Variants in LRRFIP2 observed in about 807,000 individuals in gnomAD.
LRRFIP2 encodes LRR binding FLII interacting protein 2.
A neutral mutation model predicts 125.9 loss-of-function variants in LRRFIP2; 109 were observed. The observed-to-expected ratio is 0.87, with a 90% CI of 0.74 to 1.01. The LOEUF (loss-of-function observed/expected upper bound fraction) is 1.01, where lower values mean the gene tolerates loss of function less well. Ranked by LOEUF, LRRFIP2 falls within the 50% of genes least tolerant of loss-of-function variation. The probability of loss-of-function intolerance (pLI) is 0.00; values close to 1 mark genes in which losing one functional copy is unlikely to be tolerated. For synonymous variants in LRRFIP2, 291 were observed against 293.1 expected (o/e 0.99, Z 0.07); for missense variants, 850 against 862.3 (o/e 0.99, Z 0.18).
intron 21 of LRRFIP2, among the ~76,000 whole-genome samples, chr3:37,071,976 G>A (rs774878412): frequency 3.3e-5 from 5 of 152,132 alleles, no homozygotes; most frequent in Non-Finnish European, 7.4e-5. Flanking sequence ...CTTACTTGGG[G>A]GAGTTCTGTG....
At chr3:37,085,372 T>G (rs569840359) in intron 18 of LRRFIP2, among the ~76,000 whole-genome samples, 1 of 151,650 alleles carries the variant, frequency 6.6e-6, no homozygotes, top group East Asian at 2.0e-4. Context: ...AATACAAAAA[T>G]TAGCCGGGCA....
Position 37,053,697 on chromosome 3 carries a change from T to G in LRRFIP2, c.*154A>C, listed in dbSNP as rs931623615. The G allele has an allele frequency of 8.3e-6, 5 of 604,418 alleles. No homozygotes were observed. Among genetic ancestry groups the G allele is most frequent in the Non-Finnish European group, 1.5e-5 (5 of 333,290 alleles). 37.4% of individuals were successfully genotyped at this position (604,418 alleles called of 1,614,324 possible). On this transcript the variant is annotated 3_prime_UTR_variant, in exon 28 of 28. Transcript: ENST00000336686. ...AGTGTTCATTCATGTAGATTCAAAA[T>G]GACTTCATTCTGTCATAAATTATAA...
At chr3:37,055,227 G>A in intron 25 of LRRFIP2, 62 bp from the exon 26 acceptor site, 2 of 980,988 alleles carry the variant, frequency 2.0e-6, no homozygotes, top group Non-Finnish European at 3.1e-6. Flanking sequence ...TGAGCCATCA[G>A]GCAGTACCTC....
At position 37,121,673 on chromosome 3, in the gene LRRFIP2, T is replaced by C. The variant is rs2095047845; in HGVS notation, c.247A>G (p.Arg83Gly). Residue 83 changes from arginine (R) to glycine (G), a missense_variant, in exon 5 of 28, where the codon AGG becomes GGG. Arg to Gly is a moderately radical substitution (Grantham distance 125). Transcript: ENST00000336686. ...QKWLEDSERA[R>G]YSHRSSHHRP... ...TGGTGACTGGACCGGTGGGAATACC[T>C]GGCCCTTTCCGAATCTTCCTGGGAA... 6.2e-7 allele frequency: 1 copy of C among 1,614,150 alleles called. No individual in the cohort carries two copies. Among genetic ancestry groups the C allele is most frequent in the Non-Finnish European group, 8.5e-7 (1 of 1,180,022 alleles).
chr3:37,053,572 G>T lies in LRRFIP2; in HGVS notation c.*279C>A. ...AGTGCCCAGTTACTGAGGCAGCTGG[G>T]GAAAAACGTTGAGTAAACATGATTC... On this transcript the variant is annotated 3_prime_UTR_variant, in exon 28 of 28. Coordinates refer to ENST00000336686, the MANE Select transcript of LRRFIP2 (RefSeq NM_006309.4). 1 of 348,568 alleles carries T rather than the reference G, an allele frequency of 2.9e-6. No homozygotes were observed. The highest frequency in any genetic ancestry group is 3.2e-5 in the South Asian group (1 of 30,978). The allele number at this position is 348,568 out of a possible 1,614,324, so 21.6% of individuals were successfully genotyped here.
chr3:37,169,824 GATA>G (rs1024735789), intron 1 of LRRFIP2, among the ~76,000 whole-genome samples: 1 of 152,178 alleles, frequency 6.6e-6, no homozygotes, highest in Non-Finnish European at 1.5e-5. Flanking sequence ...AATGGAAAAA[GATA>G]ATCCATGATT....
chr3:37,112,350 A>G (rs1047619389), intron 8 of LRRFIP2, among the ~76,000 whole-genome samples: 38 of 151,860 alleles, frequency 2.5e-4, no homozygotes, highest in Non-Finnish European at 5.0e-4. Flanking sequence ...AAGAAAAAAA[A>G]AAAGAAAAGA....
At chr3:37,100,172 T>C (rs1481043225) in intron 15 of LRRFIP2, among the ~76,000 whole-genome samples, 1 of 152,044 alleles carries the variant, frequency 6.6e-6, no homozygotes, top group Admixed American at 6.6e-5. Context: ...GGTACTGATA[T>C]GTAACCATTT....
At chr3:37,106,522 T>C (rs556174861) in intron 13 of LRRFIP2, among the ~76,000 whole-genome samples, 98 of 152,098 alleles carry the variant, frequency 6.4e-4, no homozygotes, top group Admixed American at 3.1e-3. Flanking sequence ...TGACTGAAAA[T>C]ATAAGCTGGG....
chr3:37,164,843 C>T (rs964305436), intron 1 of LRRFIP2, among the ~76,000 whole-genome samples: 3 of 152,150 alleles, frequency 2.0e-5, no homozygotes, highest in African/African-American at 7.2e-5. Context: ...TAATTACTTC[C>T]CCCATGAATG....
intron 7 of LRRFIP2, 125 bp downstream of exon 7, chr3:37,114,929 T>C: frequency 1.4e-6 from 1 of 700,536 alleles, no homozygotes; most frequent in East Asian, 2.6e-5. Context: ...TTTGCTTTGT[T>C]AGTCACACAT....
At chr3:37,122,715 T>C (rs1425735454) in intron 4 of LRRFIP2, among the ~76,000 whole-genome samples, 2 of 152,144 alleles carry the variant, frequency 1.3e-5, no homozygotes, top group Non-Finnish European at 2.9e-5. Flanking sequence ...TATTTTAGAG[T>C]TGGTCAAGTT....
At chr3:37,126,762 G>T (rs1196909276) in intron 4 of LRRFIP2, among the ~76,000 whole-genome samples, 1 of 151,832 alleles carries the variant, frequency 6.6e-6, no homozygotes, top group Admixed American at 6.6e-5. Context: ...GAGATGCTGA[G>T]GCAGGAGAAT....
chr3:37,108,584 T>C (rs1239194973), intron 12 of LRRFIP2, 53 bp downstream of exon 12: 3 of 1,420,966 alleles, frequency 2.1e-6, no homozygotes, highest in Non-Finnish European at 2.9e-6. Flanking sequence ...GAAAGTAAAC[T>C]GTGCCCACCC....
intron 23 of LRRFIP2, chr3:37,065,410 G>A: frequency 2.7e-6 from 1 of 364,052 alleles, no homozygotes; most frequent in Non-Finnish European, 5.5e-6. Flanking sequence ...GAACCCTGGG[G>A]TAAGCAGTGG....
chr3:37,062,456 AGGAT>A (rs947881312), intron 24 of LRRFIP2, among the ~76,000 whole-genome samples: 1 of 152,216 alleles, frequency 6.6e-6, no homozygotes, highest in Non-Finnish European at 1.5e-5. Flanking sequence ...CCAGAACTAA[AGGAT>A]GGGAGCTCCT....
chr3:37,140,634 C>T (rs537371073), intron 2 of LRRFIP2, among the ~76,000 whole-genome samples: 23 of 138,472 alleles, frequency 1.7e-4, no homozygotes, highest in African/African-American at 6.0e-4. Context: ...ATCTGGGAGA[C>T]AGAATGAGAT....
intron 4 of LRRFIP2, among the ~76,000 whole-genome samples, chr3:37,125,723 T>A (rs2095248116): frequency 6.6e-6 from 1 of 152,202 alleles, no homozygotes; most frequent in South Asian, 2.1e-4. Flanking sequence ...AAAAAAGGTA[T>A]TATAATTAGG....
intron 1 of LRRFIP2, among the ~76,000 whole-genome samples, chr3:37,154,135 C>T (rs1012708162): frequency 1.3e-5 from 2 of 152,010 alleles, no homozygotes; most frequent in East Asian, 3.9e-4. Flanking sequence ...GTGATAATAC[C>T]ACTGCACTCC....
Sources: gnomAD v4.1 joint callset for allele counts (sites outside exome capture counted in the v4.1 genomes callset) on GRCh38, gnomAD v4.1.1 for gene constraint, MANE v1.5 for transcripts, NCBI Gene and HGNC (gene_info 2026-07-23, HGNC 2026-07-21) for gene names.